CPOX: variants seen among roughly 807,000 people sequenced by gnomAD.
The protein encoded by CPOX is oxygen-dependent coproporphyrinogen-III oxidase, mitochondrial.
CPOX carries 24 observed loss-of-function variants against 48.9 expected under a neutral mutation model. The observed-to-expected ratio is 0.49, with a 90% confidence interval of 0.36 to 0.69. CPOX has a LOEUF of 0.69. Ranked by LOEUF, CPOX falls within the 30% of genes least tolerant of loss-of-function variation. The pLI is 0.00. For synonymous variants in CPOX, 249 were observed against 234.6 expected, an observed-to-expected ratio of 1.06 and a Z score of -0.56; for missense variants, 549 against 597.3, an observed-to-expected ratio of 0.92 and a Z score of 0.84.
chr3:98,580,088 G>T lies in CPOX; in HGVS notation c.*595C>A, dbSNP rs183311654. On this transcript the variant is annotated 3_prime_UTR_variant, in exon 7 of 7. Coordinates refer to ENST00000647941, the MANE Select transcript of CPOX (RefSeq NM_000097.7). ...TACAAACTACAGAAATAACTGAATT[G>T]TAACACATGCAGAGATTATTTCAAG... 6.1e-4 allele frequency: 565 copies of T among 920,612 alleles called. No homozygotes were observed. The African/African-American group carries it at 0.015, about 25-fold the overall frequency. The allele number at this position is 920,612 out of a possible 1,614,324, so 57.0% of individuals were successfully genotyped here.
At chr3:98,577,433 A>C (rs1707179127), downstream of CPOX, among the ~76,000 whole-genome samples, 1 of 152,186 alleles carries the variant, frequency 6.6e-6, no homozygotes, top group Non-Finnish European at 1.5e-5. Context: ...ATGTGAGACT[A>C]AAGTAGGGTG....
chr3:98,582,843 G>A (rs1395628139), intron 5 of CPOX, among the ~76,000 whole-genome samples: 3 of 152,140 alleles, frequency 2.0e-5, no homozygotes, highest in Non-Finnish European at 4.4e-5. Context: ...CTTGTCAAAA[G>A]CCCTGCAAAA....
At chr3:98,590,908 C>T in intron 2 of CPOX, 104 bp downstream of exon 2, 4 of 1,429,710 alleles carry the variant, frequency 2.8e-6, no homozygotes, top group South Asian at 2.4e-5. Flanking sequence ...GCATATGAAC[C>T]CGAATGGCTT....
rs1707535554 is a variant in CPOX at position 98,593,576 on chromosome 3, C to G, written c.-72G>C. Reference sequence around the variant, plus strand: ...CGTTTGAGCCCCCCACCCAGACCCCCGGAGTATTGAGCCGGCGAGCTGCAC... The same window carrying G: ...CGTTTGAGCCCCCCACCCAGACCCCGGGAGTATTGAGCCGGCGAGCTGCAC... On this transcript the variant is annotated 5_prime_UTR_variant, in exon 1 of 7. Coordinates refer to ENST00000647941, the MANE Select transcript of CPOX (RefSeq NM_000097.7). The G allele has an allele frequency of 7.0e-7, 1 of 1,436,414 alleles. No homozygotes were observed. 89.0% of individuals were successfully genotyped at this position (1,436,414 alleles called of 1,614,324 possible). A position where few individuals can be genotyped will look rare whatever the true frequency, so the allele number is the denominator to read the frequency against.
At chr3:98,586,491 A>G (rs981159854) in intron 4 of CPOX, among the ~76,000 whole-genome samples, 1 of 152,204 alleles carries the variant, frequency 6.6e-6, no homozygotes, top group Non-Finnish European at 1.5e-5. Context: ...CATGAAAGAC[A>G]GGGAAAAGTT....
intron 4 of CPOX, among the ~76,000 whole-genome samples, chr3:98,588,508 T>C (rs1460894118): frequency 6.6e-6 from 1 of 152,212 alleles, no homozygotes; most frequent in African/African-American, 2.4e-5. Flanking sequence ...TAAAAAGATA[T>C]TACTACTCAA....
chr3:98,580,860 G>T (rs1406803470), intron 6 of CPOX, 90 bp from the exon 7 acceptor site: 6 of 1,205,308 alleles, frequency 5.0e-6, no homozygotes, highest in Non-Finnish European at 6.8e-6. Flanking sequence ...AAAATCCTAA[G>T]AATAAAAAAA....
intron 4 of CPOX, among the ~76,000 whole-genome samples, chr3:98,586,651 A>C (rs1707369099): frequency 6.6e-6 from 1 of 152,192 alleles, no homozygotes; most frequent in Non-Finnish European, 1.5e-5. Context: ...TTTCCTAAGA[A>C]GCCATTTCCT....
At chr3:98,585,904 G>C in intron 4 of CPOX, 1 of 418,126 alleles carries the variant, frequency 2.4e-6, no homozygotes, top group Non-Finnish European at 4.5e-6. Flanking sequence ...ACGGACTCTT[G>C]CTCTGTCCCC....
rs369991792 is a variant in CPOX, at chr3:98,585,518, G to T, written c.1095C>A (p.Tyr365Ter). 3.1e-6 allele frequency: 5 copies of T among 1,614,132 alleles called. No individual in the cohort carries two copies. Among genetic ancestry groups the T allele is most frequent in the African/African-American group, 1.3e-5 (1 of 75,020 alleles). ...CACAGTGCTTTTTCACAAGGGGAATGTAAGAAGGAACTACAGCCCTGGCAC... is the reference window on the plus strand; with the variant it reads ...CACAGTGCTTTTTCACAAGGGGAATTTAAGAAGGAACTACAGCCCTGGCAC... ...QSCARAVVPS[Y>*]IPLVKKHCDD... Residue 365 changes from tyrosine (Y) to a stop codon, truncating the protein, a stop_gained, in exon 5 of 7, where the codon TAC (tyrosine) becomes TAA (stop). Transcript: ENST00000647941. LOFTEE classifies it high-confidence loss of function.
chr3:98,573,608 T>G, the CPOX span, among the ~76,000 whole-genome samples: 1 of 152,064 alleles, frequency 6.6e-6, no homozygotes, highest in South Asian at 2.1e-4. Flanking sequence ...CCCTGCAGAT[T>G]AGATTTTCTG....
At chr3:98,578,136 ACTG>A, downstream of CPOX, 1 of 442,592 alleles carries the variant, frequency 2.3e-6, no homozygotes, top group Non-Finnish European at 3.0e-6. Flanking sequence ...CTTCAGGTAG[ACTG>A]AATTAACACC....
the CPOX span, among the ~76,000 whole-genome samples, chr3:98,573,635 T>C: frequency 1.3e-5 from 2 of 152,164 alleles, no homozygotes; most frequent in African/African-American, 4.8e-5. Context: ...CTACTGGTTC[T>C]TTCAAGAATT....
At position 98,585,657 on chromosome 3, in the gene CPOX, C is replaced by T; in HGVS notation, c.956G>A (p.Cys319Tyr). 6.2e-7 allele frequency: 1 copy of T among 1,613,150 alleles called. No homozygotes were observed. Among genetic ancestry groups the T allele is most frequent in the South Asian group, 1.1e-5 (1 of 91,060 alleles). Residue 319 changes from cysteine to tyrosine, a missense_variant and splice_region_variant, in exon 5 of 7, where the codon TGT (cysteine) becomes TAT (tyrosine). Physicochemically the swap from Cys to Tyr is radical, Grantham distance 194. Coordinates refer to ENST00000647941, the MANE Select transcript of CPOX (RefSeq NM_000097.7). ...PDLYPKFKKW[C>Y]DDYFFIAHRG... is the part of the protein sequence containing the mutation. ...ATGGGCTATAAAGAAGTAATCATCA[C>T]ACCTGGAAAACACAGCGGCGCCAAA... is the stretch of plus-strand genomic sequence containing the variant.
At chr3:98,583,742 T>C (rs1707303759) in intron 5 of CPOX, among the ~76,000 whole-genome samples, 1 of 152,142 alleles carries the variant, frequency 6.6e-6, no homozygotes, top group African/African-American at 2.4e-5. Context: ...GACCGGTGTT[T>C]GGACAGGGTG....
downstream of CPOX, among the ~76,000 whole-genome samples, chr3:98,575,345 T>C (rs1194195406): frequency 6.6e-6 from 1 of 152,216 alleles, no homozygotes; most frequent in Admixed American, 6.5e-5. Flanking sequence ...TCAAACGCAT[T>C]TTGAAATATG....
chr3:98,582,214 T>C (rs1707271197), intron 5 of CPOX, among the ~76,000 whole-genome samples: 2 of 152,118 alleles, frequency 1.3e-5, no homozygotes, highest in Non-Finnish European at 2.9e-5. Flanking sequence ...TCTGGACTCC[T>C]TCCAGTTTAA....
chr3:98,571,805 T>A, the CPOX span, among the ~76,000 whole-genome samples: 53,709 of 151,984 alleles, frequency 0.35, 9,638 homozygotes, highest in African/African-American at 0.41. Flanking sequence ...TTGGTTTATA[T>A]TTCCTCTTTG....
In CPOX at chr3:98,588,755, CA is replaced by C. The variant is rs755085431; in HGVS notation, c.910del (p.Cys304ValfsTer22). On this transcript the variant is annotated frameshift_variant, in exon 4 of 7. Transcript: ENST00000647941. LOFTEE classifies it high-confidence loss of function. ...GTAGAGATCTGGACCATGCTGGTCA[CA>C]AGCCTCCTTCAGAGTTCTGTGAAAA... is the stretch of plus-strand genomic sequence containing the variant. ...VHFHRTLKEA[C>X]DQHGPDLYPK... is the part of the protein sequence containing the mutation. The C allele has an allele frequency of 6.2e-7, 1 of 1,614,206 alleles. No homozygotes were observed. Among genetic ancestry groups the C allele is most frequent in the Admixed American group, 1.7e-5 (1 of 60,020 alleles).
Sources: gnomAD v4.1 joint callset for allele counts (sites outside exome capture counted in the v4.1 genomes callset) on GRCh38, gnomAD v4.1.1 for gene constraint, MANE v1.5 for transcripts, NCBI Gene and HGNC (gene_info 2026-07-23, HGNC 2026-07-21) for gene names.